The following SEC24B variants were observed in gnomAD, a reference collection of about 807,000 sequenced individuals.
SEC24B encodes SEC24 homolog B, COPII component.
A neutral mutation model predicts 142.8 loss-of-function variants in SEC24B; 45 were observed. The observed-to-expected ratio is 0.32, with a 90% confidence interval of 0.25 to 0.40. SEC24B has a LOEUF of 0.40. SEC24B is among the 10% of genes least tolerant of loss of function. The probability of loss-of-function intolerance (pLI) is 1.00; values close to 1 mark genes in which losing one functional copy is unlikely to be tolerated. For synonymous variants in SEC24B, 574 were observed against 568.2 expected, an observed-to-expected ratio of 1.01 and a Z score of -0.15; for missense variants, 1,409 against 1,526.8, an observed-to-expected ratio of 0.92 and a Z score of 1.29.
intron 10 of SEC24B, among the ~76,000 whole-genome samples, chr4:109,515,276 ATTT>A (rs1444505984): frequency 6.6e-6 from 1 of 151,684 alleles, no homozygotes; most frequent in African/African-American, 2.4e-5. Context: ...AATTTTTTGT[ATTT>A]TTAAGTAGAG....
chr4:109,438,016 ATAGAAG>A (rs778942603), intron 1 of SEC24B, among the ~76,000 whole-genome samples: 25 of 152,334 alleles, frequency 1.6e-4, no homozygotes, highest in East Asian at 3.9e-4. Context: ...TGCGGTTAAA[ATAGAAG>A]TAGAAGTTCA....
chr4:109,512,337 C>T (rs1737428542), intron 9 of SEC24B, among the ~76,000 whole-genome samples: 1 of 152,168 alleles, frequency 6.6e-6, no homozygotes, highest in South Asian at 2.1e-4. Flanking sequence ...TGCAGGTGAG[C>T]TTATGCAGAC....
chr4:109,495,200 T>A (rs183703353), intron 6 of SEC24B, among the ~76,000 whole-genome samples: 18 of 152,274 alleles, frequency 1.2e-4, no homozygotes, highest in African/African-American at 3.6e-4. Flanking sequence ...TTTAAAAAAA[T>A]TTTATATTAT....
At chr4:109,521,048 TA>T in intron 12 of SEC24B, 68 bp from the exon 13 acceptor site, 2 of 1,027,630 alleles carry the variant, frequency 1.9e-6, no homozygotes, top group African/African-American at 1.6e-5. Flanking sequence ...TATGACCTGA[TA>T]AAAACTAAGA....
intron 11 of SEC24B, among the ~76,000 whole-genome samples, chr4:109,519,564 A>G (rs1348752758): frequency 1.3e-5 from 2 of 152,226 alleles, no homozygotes; most frequent in Admixed American, 6.5e-5. Context: ...TCCTCTAGCC[A>G]GTAACAAATG....
At chr4:109,533,535 T>G (rs958520448) in intron 21 of SEC24B, 58 bp from the exon 22 acceptor site, 1 of 1,036,050 alleles carries the variant, frequency 9.7e-7, no homozygotes, top group Non-Finnish European at 1.5e-6. Flanking sequence ...TTGAGAACAT[T>G]AATGAAAATG....
At chr4:109,453,448 C>T (rs1037926161) in intron 1 of SEC24B, among the ~76,000 whole-genome samples, 6 of 109,652 alleles carry the variant, frequency 5.5e-5, no homozygotes, top group African/African-American at 1.7e-4. Context: ...AGGCCCCCCC[C>T]CCCCCCCCCC....
At chr4:109,481,125 C>T (rs937210663) in intron 3 of SEC24B, among the ~76,000 whole-genome samples, 3 of 152,126 alleles carry the variant, frequency 2.0e-5, no homozygotes, top group Non-Finnish European at 4.4e-5. Context: ...GTCCCCCACT[C>T]CCAGAGTATC....
chr4:109,462,888 C>CATGCT lies in SEC24B; in HGVS notation c.134-13_134-12insATGCT, dbSNP rs1369780123. 1 of 407,080 alleles carries CATGCT rather than the reference C, an allele frequency of 2.5e-6. No individual in the cohort carries two copies. The highest frequency in any genetic ancestry group is 4.1e-6 in the Non-Finnish European group (1 of 243,758). The allele number at this position is 407,080 out of a possible 1,614,324, so 25.2% of individuals were successfully genotyped here. On this transcript the variant is annotated splice_polypyrimidine_tract_variant and intron_variant, in intron 1 of 23. Coordinates refer to ENST00000265175, the MANE Select transcript of SEC24B (RefSeq NM_006323.5). Reference sequence around the variant, plus strand: ...ATCTCTTTACAAATACCTGTAAATACTTGCTTTTTCAGGTCCAGCCCAGAA... The same window carrying CATGCT: ...ATCTCTTTACAAATACCTGTAAATACATGCTTTGCTTTTTCAGGTCCAGCCCAGAA...
chr4:109,434,131 C>A, intron 1 of SEC24B, 129 bp downstream of exon 1: 2 of 598,698 alleles, frequency 3.3e-6, no homozygotes, highest in Non-Finnish European at 4.2e-6. Flanking sequence ...GGGACGGGAG[C>A]GGGCGCGGTG....
intron 3 of SEC24B, among the ~76,000 whole-genome samples, chr4:109,480,209 T>C (rs1733593615): frequency 1.3e-5 from 2 of 152,206 alleles, no homozygotes; most frequent in East Asian, 3.9e-4. Flanking sequence ...ATTTTATTCT[T>C]AATAGTTTTT....
chr4:109,456,374 C>G (rs990518303), intron 1 of SEC24B, among the ~76,000 whole-genome samples: 2 of 97,458 alleles, frequency 2.1e-5, no homozygotes, highest in Non-Finnish European at 4.3e-5. Context: ...AGTCTATCTA[C>G]TATTTATTTA....
rs753747307 is a variant in SEC24B at position 109,511,963 on chromosome 4, C to G, written c.1783C>G (p.Pro595Ala). ...TCTTTATTTTATTTCCTAGCAATTA[C>G]CAGTGATAACATCAAATACCATTGT... ...LHPFRDLTQL[P>A]VITSNTIVRC... Residue 595 changes from proline to alanine, a missense_variant, in exon 9 of 24, where the codon CCA (proline) becomes GCA (alanine). Pro to Ala is a conservative substitution (Grantham distance 27). Around this residue, in one of 2 missense-constraint regions of SEC24B, gnomAD observed 700 missense variants for 853.3 expected, o/e 0.82. Coordinates refer to ENST00000265175, the MANE Select transcript of SEC24B (RefSeq NM_006323.5). 1.2e-6 allele frequency: 2 copies of G among 1,611,548 alleles called. No individual in the cohort carries two copies. The highest frequency in any genetic ancestry group is 1.7e-5 in the Admixed American group (1 of 59,420).
chr4:109,504,088 A>G (rs1415172508), intron 6 of SEC24B, among the ~76,000 whole-genome samples: 1 of 151,932 alleles, frequency 6.6e-6, no homozygotes, highest in East Asian at 1.9e-4. Context: ...TAACATCACC[A>G]CCTTCAGTTA....
chr4:109,532,583 C>A (rs1195048628), intron 20 of SEC24B, 56 bp from the exon 21 acceptor site: 1 of 1,351,872 alleles, frequency 7.4e-7, no homozygotes, highest in African/African-American at 1.4e-5. Flanking sequence ...CCATTAGCTC[C>A]CAAACTGTGA....
chr4:109,511,249 T>C (rs1737291355), intron 8 of SEC24B, among the ~76,000 whole-genome samples: 1 of 152,028 alleles, frequency 6.6e-6, no homozygotes, highest in Non-Finnish European at 1.5e-5. Context: ...TCTGTAATTT[T>C]TTATTTTCTC....
chr4:109,500,428 C>T (rs2034828596), intron 6 of SEC24B, among the ~76,000 whole-genome samples: 1 of 151,484 alleles, frequency 6.6e-6, no homozygotes, highest in Admixed American at 6.6e-5. Context: ...CCTGTAACCC[C>T]AGCTACTAGG....
intron 4 of SEC24B, among the ~76,000 whole-genome samples, chr4:109,489,061 T>C (rs1004044178): frequency 2.0e-5 from 3 of 152,158 alleles, no homozygotes; most frequent in African/African-American, 7.2e-5. Flanking sequence ...GTTGTCTTTT[T>C]ACTTCTTGAT....
At chr4:109,505,348 A>G (rs1372626001) in intron 6 of SEC24B, among the ~76,000 whole-genome samples, 1 of 152,126 alleles carries the variant, frequency 6.6e-6, no homozygotes, top group Non-Finnish European at 1.5e-5. Flanking sequence ...GGACAAAAAG[A>G]ACTATGAAAA....
Sources: gnomAD v4.1 joint callset for allele counts (sites outside exome capture counted in the v4.1 genomes callset) on GRCh38, gnomAD v4.1.1 for gene constraint, gnomAD v4.1.1 regional missense constraint, MANE v1.5 for transcripts, NCBI Gene and HGNC (gene_info 2026-07-23, HGNC 2026-07-21) for gene names.